The following TENM2 variants were observed in gnomAD, a reference collection of about 807,000 sequenced individuals.
TENM2 encodes the protein teneurin-2.
In TENM2, 52 loss-of-function variants were observed where a neutral mutation model predicts 245.2. That is an observed-to-expected ratio of 0.21 (90% confidence interval 0.17 to 0.27). TENM2 has a LOEUF of 0.27. Among genes scored for constraint, TENM2 ranks in the 10% least tolerant of loss-of-function variants. The probability of loss-of-function intolerance (pLI) is 1.00; values close to 1 mark genes in which losing one functional copy is unlikely to be tolerated. For missense variants in TENM2, 3,046 were observed against 3,666.8 expected (o/e 0.83, Z 4.37); for synonymous variants, 1,363 against 1,438.9 (o/e 0.95, Z 1.19).
the TENM2 span, among the ~76,000 whole-genome samples, chr5:167,067,682 T>A: frequency 0.016 from 2,414 of 152,318 alleles, 65 homozygotes; most frequent in African/African-American, 0.055. Context: ...TTCTTTATGA[T>A]GTTGGTCAGG....
chr5:167,343,383 T>G (rs1215348785), intron 1 of TENM2, among the ~76,000 whole-genome samples: 1 of 152,214 alleles, frequency 6.6e-6, no homozygotes, highest in Non-Finnish European at 1.5e-5. Flanking sequence ...TGTCCCATTT[T>G]CTGTTTGATT....
At position 167,301,334 on chromosome 5, in the gene TENM2, G is replaced by A. The variant is rs531641820; in HGVS notation, c.226+16271G>A. Among the ~76,000 whole-genome samples, 590 of 152,340 alleles carry A rather than the reference G, an allele frequency of 3.9e-3. 2 individuals carry two copies. The highest frequency in any genetic ancestry group is 6.0e-3 in the Non-Finnish European group (409 of 68,030). On this transcript the variant is annotated intron_variant, in intron 1 of 28. Transcript: ENST00000518659. ...CGGGCATTCCTTGGCCTGGTGGCCAGATTTCTGGCACTTGTAGCAAGCTCC... is the reference window on the plus strand; with the variant it reads ...CGGGCATTCCTTGGCCTGGTGGCCAAATTTCTGGCACTTGTAGCAAGCTCC...
intron 2 of TENM2, chr5:167,729,214 T>C (rs187977659): frequency 1.8e-4 from 27 of 152,298 alleles, no homozygotes; most frequent in Admixed American, 6.5e-4. Flanking sequence ...TTTGTCCAGA[T>C]GTTAACGTGG....
chr5:167,273,632 G>A, the TENM2 span, among the ~76,000 whole-genome samples: 9 of 152,188 alleles, frequency 5.9e-5, no homozygotes, highest in South Asian at 1.9e-3. Flanking sequence ...ATTGTAACTA[G>A]CTTTTTGTGA....
At chr5:167,493,766 G>A (rs1768598249) in intron 2 of TENM2, among the ~76,000 whole-genome samples, 1 of 151,986 alleles carries the variant, frequency 6.6e-6, no homozygotes, top group African/African-American at 2.4e-5. Flanking sequence ...CATTTATTCG[G>A]CATATATGTT....
At chr5:167,023,634 A>T in the TENM2 span, among the ~76,000 whole-genome samples, 3 of 152,228 alleles carry the variant, frequency 2.0e-5, no homozygotes, top group African/African-American at 4.8e-5. Flanking sequence ...ACAGCAGTAC[A>T]ATCAGTCAAT....
chr5:167,687,134 C>T (rs1052300979), intron 2 of TENM2, among the ~76,000 whole-genome samples: 2 of 152,082 alleles, frequency 1.3e-5, no homozygotes, highest in African/African-American at 2.4e-5. Context: ...ATGTGTTCTC[C>T]GGTTACCTCG....
In TENM2 at chr5:167,978,212, A is replaced by G. The variant is rs564854192; in HGVS notation, c.948-14732A>G. On this transcript the variant is annotated intron_variant, in intron 4 of 28. Transcript: ENST00000518659. ...ATTACCCAGTCTCAGGGTCTCCTTA[A>G]TAGCAACACAAAGTGTACTGAGGCA... Among the ~76,000 whole-genome samples, 7 of 152,306 alleles carry G rather than the reference A, an allele frequency of 4.6e-5. No homozygotes were observed. In the East Asian group the frequency reaches 1.4e-3, roughly 29 times the overall value.
intron 2 of TENM2, among the ~76,000 whole-genome samples, chr5:167,474,860 G>A (rs1421887248): frequency 6.6e-6 from 1 of 152,130 alleles, no homozygotes; most frequent in Non-Finnish European, 1.5e-5. Flanking sequence ...TTATTTGAAA[G>A]ATGTATAAAT....
intron 3 of TENM2, among the ~76,000 whole-genome samples, chr5:167,932,253 A>T (rs761201067): frequency 2.0e-5 from 3 of 152,150 alleles, no homozygotes; most frequent in Non-Finnish European, 4.4e-5. Context: ...GCGAAAGGAA[A>T]GGTGGTTGTT....
chr5:167,693,892 A>G (rs1439625041), intron 2 of TENM2, among the ~76,000 whole-genome samples: 1 of 152,216 alleles, frequency 6.6e-6, no homozygotes, highest in Non-Finnish European at 1.5e-5. Flanking sequence ...CTTACTGGGT[A>G]TAAGTGTTCC....
intron 2 of TENM2, among the ~76,000 whole-genome samples, chr5:167,612,341 C>T (rs973264580): frequency 6.6e-6 from 1 of 152,060 alleles, no homozygotes; most frequent in African/African-American, 2.4e-5. Flanking sequence ...GAAACGAACT[C>T]ACCCAACCCC....
At chr5:167,890,232 G>A (rs1392438557) in intron 3 of TENM2, among the ~76,000 whole-genome samples, 3 of 152,028 alleles carry the variant, frequency 2.0e-5, no homozygotes, top group African/African-American at 7.2e-5. Context: ...AACTAGGCAC[G>A]ACACATTATT....
intron 2 of TENM2, among the ~76,000 whole-genome samples, chr5:167,762,248 G>A (rs1762727316): frequency 1.3e-5 from 2 of 152,126 alleles, no homozygotes; most frequent in South Asian, 4.1e-4. Context: ...CTCCTTAGGA[G>A]GACAAAAGAT....
intron 1 of TENM2, among the ~76,000 whole-genome samples, chr5:167,302,281 A>G (rs1471210414): frequency 1.3e-5 from 2 of 152,138 alleles, no homozygotes; most frequent in Non-Finnish European, 2.9e-5. Flanking sequence ...AAAATAAGGC[A>G]TTTAGGTTTT....
At chr5:167,191,040 A>G in the TENM2 span, among the ~76,000 whole-genome samples, 1 of 152,070 alleles carries the variant, frequency 6.6e-6, no homozygotes, top group Non-Finnish European at 1.5e-5. Flanking sequence ...ACATTAGTAC[A>G]TCAATTAATG....
chr5:167,339,615 AT>A (rs1274530269), intron 1 of TENM2, among the ~76,000 whole-genome samples: 1 of 110,470 alleles, frequency 9.1e-6, no homozygotes, highest in African/African-American at 3.4e-5. Context: ...TTTTTTTTTT[AT>A]TTTTTGCATT....
At chr5:168,257,551 A>G (rs35639841) in intron 27 of TENM2, among the ~76,000 whole-genome samples, 20,208 of 151,876 alleles carry the variant, frequency 0.13, 2,440 homozygotes, top group African/African-American at 0.32. Context: ...GGCTTTTTCA[A>G]TGAAAGAAGT....
At chr5:167,885,713 T>C (rs796833755) in intron 3 of TENM2, among the ~76,000 whole-genome samples, 5 of 152,326 alleles carry the variant, frequency 3.3e-5, no homozygotes, top group African/African-American at 1.2e-4. Context: ...AGATGGAGTC[T>C]CGCTCTGTTG....
Sources: allele counts gnomAD v4.1 joint callset (sites outside exome capture counted in the v4.1 genomes callset), GRCh38; gene constraint gnomAD v4.1.1; transcripts MANE v1.5; gene names NCBI Gene and HGNC (gene_info 2026-07-23, HGNC 2026-07-21).